LYST: variants seen among roughly 807,000 people sequenced by gnomAD.
The protein encoded by LYST is lysosomal trafficking regulator.
A neutral mutation model predicts 413.6 loss-of-function variants in LYST; 192 were observed. The ratio of observed to expected loss-of-function variants is 0.46; its 90% CI spans 0.41 to 0.52. The LOEUF (loss-of-function observed/expected upper bound fraction) is 0.52. LYST is among the 20% of genes least tolerant of loss of function. LYST has a pLI of 0.00. For synonymous variants in LYST, 1,525 were observed against 1,567.3 expected (o/e 0.97, Z 0.64); for missense variants, 3,815 against 4,499.9 (o/e 0.85, Z 4.35).
chr1:235,676,563 T>C (rs562380488), intron 50 of LYST, among the ~76,000 whole-genome samples: 103 of 152,346 alleles, frequency 6.8e-4, no homozygotes, highest in African/African-American at 2.4e-3. Context: ...TTGTTCCTTG[T>C]TTCTGCTTTC....
chr1:235,697,677 A>T (rs562652360), intron 45 of LYST, among the ~76,000 whole-genome samples: 14 of 152,364 alleles, frequency 9.2e-5, no homozygotes, highest in Non-Finnish European at 1.6e-4. Flanking sequence ...CATGTAGCAC[A>T]GGAAACCTCA....
chr1:235,743,961 T>A lies in LYST; in HGVS notation c.8151+18A>T. On this transcript the variant is annotated intron_variant, in intron 30 of 52. Transcript: ENST00000389793. The stretch of plus-strand genomic sequence containing the variant: ...CCTTTGTGTGAATGAACATTTCCCA[T>A]GTAATTAATTTACTTACAATAGATA... 8.1e-7 allele frequency: 1 copy of A among 1,229,976 alleles called. No individual in the cohort carries two copies. Among genetic ancestry groups the A allele is most frequent in the Non-Finnish European group, 1.2e-6 (1 of 832,038 alleles). 76.2% of individuals were successfully genotyped at this position (1,229,976 alleles called of 1,614,324 possible).
At chr1:235,836,963 A>G (rs1676646055) in intron 1 of LYST, among the ~76,000 whole-genome samples, 1 of 152,248 alleles carries the variant, frequency 6.6e-6, no homozygotes, top group Admixed American at 6.5e-5. Context: ...ATCATCAATA[A>G]ATTTTTAAAG....
Position 235,729,677 on chromosome 1 carries a change from A to G in LYST, c.9045-20T>C. On this transcript the variant is annotated intron_variant, in intron 36 of 52. Coordinates refer to ENST00000389793, the MANE Select transcript of LYST (RefSeq NM_000081.4). ...TTCACTCTGTCAAAACATATTTAAA[A>G]TTACTATGACTAAATGTTCTGACCA... 3 of 1,548,694 alleles carry G rather than the reference A, an allele frequency of 1.9e-6. No individual in the cohort carries two copies. Among genetic ancestry groups the G allele is most frequent in the Non-Finnish European group, 2.7e-6 (3 of 1,120,776 alleles).
chr1:235,702,477 T>C (rs1478944200), intron 45 of LYST, among the ~76,000 whole-genome samples: 2 of 152,188 alleles, frequency 1.3e-5, no homozygotes, highest in African/African-American at 4.8e-5. Context: ...AGGCTTTCCC[T>C]GGGAATAACA....
chr1:235,755,852 A>T (rs1666989892), intron 24 of LYST, among the ~76,000 whole-genome samples: 2 of 152,098 alleles, frequency 1.3e-5, no homozygotes, highest in Admixed American at 1.3e-4. Flanking sequence ...TCCATCTTGG[A>T]GATCTTAATG....
chr1:235,791,571 T>C, intron 12 of LYST, 128 bp downstream of exon 12: 1 of 793,498 alleles, frequency 1.3e-6, no homozygotes. Flanking sequence ...CTACCACCAC[T>C]AAGTAAGGCA....
At chr1:235,726,428 C>A (rs1334382711) in intron 38 of LYST, among the ~76,000 whole-genome samples, 4 of 152,086 alleles carry the variant, frequency 2.6e-5, no homozygotes, top group African/African-American at 9.7e-5. Flanking sequence ...TTAGTTTCAA[C>A]ATTCATTCAA....
chr1:235,728,336 T>C (rs2103196037), intron 37 of LYST, among the ~76,000 whole-genome samples: 1 of 152,094 alleles, frequency 6.6e-6, no homozygotes, highest in East Asian at 1.9e-4. Flanking sequence ...AATTTCTTTA[T>C]TAAAAAAAAA....
At chr1:235,671,023 T>C (rs1454169125) in intron 50 of LYST, among the ~76,000 whole-genome samples, 1 of 152,254 alleles carries the variant, frequency 6.6e-6, no homozygotes, top group African/African-American at 2.4e-5. Context: ...ACCTGAGCTC[T>C]ATTTGGGAAA....
intron 20 of LYST, among the ~76,000 whole-genome samples, chr1:235,768,226 T>C (rs1668331206): frequency 6.6e-6 from 1 of 152,106 alleles, no homozygotes; most frequent in South Asian, 2.1e-4. Flanking sequence ...TTATTGTTTT[T>C]CTGGTCTCCC....
At chr1:235,696,410 G>C (rs1427620202) in intron 46 of LYST, among the ~76,000 whole-genome samples, 1 of 152,218 alleles carries the variant, frequency 6.6e-6, no homozygotes, top group East Asian at 1.9e-4. Flanking sequence ...CATTTAACCT[G>C]ATAGAAACAG....
Position 235,724,016 on chromosome 1 carries a change from G to A in LYST, c.9315+12C>T, listed in dbSNP as rs1010947586. 9.3e-6 allele frequency: 15 copies of A among 1,609,170 alleles called. No homozygotes were observed. Among genetic ancestry groups the A allele is most frequent in the Non-Finnish European group, 1.2e-5 (14 of 1,175,782 alleles). The stretch of plus-strand genomic sequence containing the variant: ...TTAAACAATATATATCAATTAATAA[G>A]GGTGAATTTACCTTGGTGTTATCAA... On this transcript the variant is annotated intron_variant, in intron 39 of 52. Transcript: ENST00000389793.
At position 235,777,088 on chromosome 1, in the gene LYST, C is replaced by T. The variant is rs1455326509; in HGVS notation, c.5435G>A (p.Gly1812Asp). 6.8e-6 allele frequency: 11 copies of T among 1,613,224 alleles called. No homozygotes were observed. In the East Asian group the frequency reaches 1.1e-4, roughly 16 times the overall value. The change falls in exon 17 of 53, where the codon GGC becomes GAC. Residue 1812 changes from glycine to aspartate, a missense_variant. This residue lies in a region of LYST where 530 missense variants were observed against 696.5 expected (regional missense o/e 0.76). Coordinates refer to ENST00000389793, the MANE Select transcript of LYST (RefSeq NM_000081.4). ...QGILHEIGGT[G>D]IFVFLFARVV... The stretch of plus-strand genomic sequence containing the variant: ...CCTGGCAAAGAGAAAAACAAATATG[C>T]CAGTTCCACCAATTTCGTGCAGAAT...
intron 1 of LYST, among the ~76,000 whole-genome samples, chr1:235,844,804 T>C (rs116375222): frequency 2.6e-4 from 39 of 152,154 alleles, no homozygotes; most frequent in Admixed American, 2.0e-3. Flanking sequence ...CAGATTAATA[T>C]AATTCTCTTT....
rs1286317322 is a variant in LYST, at chr1:235,686,107, C to T, written c.10800+842G>A. ...ACAGGCCGGGCGTGATGGCTCACAC[C>T]TATAATCCCAGCACTTTGGGAGGCC... On this transcript the variant is annotated intron_variant, in intron 48 of 52. Coordinates refer to ENST00000389793, the MANE Select transcript of LYST (RefSeq NM_000081.4). The surrounding 1 kb of genome is among the most constrained non-coding windows in gnomAD (Gnocchi z 4.0). Among the ~76,000 whole-genome samples the T allele has an allele frequency of 1.3e-5, 2 of 151,942 alleles. No individual in the cohort carries two copies. The highest frequency in any genetic ancestry group is 2.4e-5 in the African/African-American group (1 of 41,364).
In LYST at chr1:235,793,511, G is replaced by C. The variant is rs867235828; in HGVS notation, c.4108C>G (p.Pro1370Ala). 29 of 1,495,062 alleles carry C rather than the reference G, an allele frequency of 1.9e-5. No homozygotes were observed. The Admixed American group carries it at 4.1e-4, about 21-fold the overall frequency. The allele number at this position is 1,495,062 out of a possible 1,614,324, so 92.6% of individuals were successfully genotyped here. Reference sequence around the variant, plus strand: ...AATTATAGCATATTTACTGTACAAGGAGATTTCTCCAGAAATATTCTCAAA... The same window carrying C: ...AATTATAGCATATTTACTGTACAAGCAGATTTCTCCAGAAATATTCTCAAA... ...LLLRIFLEKS[P>A]CTKILLLGIL... Residue 1370 changes from proline to alanine, a missense_variant, in exon 11 of 53, where the codon CCT becomes GCT. Transcript: ENST00000389793.
intron 45 of LYST, among the ~76,000 whole-genome samples, chr1:235,701,017 A>C (rs1661500592): frequency 6.6e-6 from 1 of 152,218 alleles, no homozygotes; most frequent in African/African-American, 2.4e-5. Context: ...AATTAGACTT[A>C]GATATAATCA....
chr1:235,693,533 T>C (rs760559863), intron 46 of LYST, 47 bp from the exon 47 acceptor site: 1 of 1,611,608 alleles, frequency 6.2e-7, no homozygotes, highest in East Asian at 2.2e-5. Flanking sequence ...ACTGCTCGAC[T>C]GTTACATGAC....
Sources: allele counts gnomAD v4.1 joint callset (sites outside exome capture counted in the v4.1 genomes callset), GRCh38; gene constraint gnomAD v4.1.1; regional missense constraint gnomAD v4.1.1; non-coding constraint Gnocchi (gnomAD v3.1); transcripts MANE v1.5; gene names NCBI Gene and HGNC (gene_info 2026-07-23, HGNC 2026-07-21).